CAP2: variants seen among roughly 807,000 people sequenced by gnomAD.
The protein encoded by CAP2 is cyclase associated actin cytoskeleton regulatory protein 2, also known as adenylyl cyclase-associated protein 2.
Under a neutral mutation model 57.7 loss-of-function variants are expected in CAP2, and 24 were observed. That is an observed-to-expected ratio of 0.42 (90% CI 0.30 to 0.58). CAP2 has a LOEUF of 0.58. Ranked by LOEUF, CAP2 falls within the 20% of genes least tolerant of loss-of-function variation. The pLI is 0.22. For synonymous variants in CAP2, 194 were observed against 207.2 expected (o/e 0.94, Z 0.55); for missense variants, 501 against 590.3 (o/e 0.85, Z 1.57).
chr6:17,504,897 GT>G (rs1416504830), intron 4 of CAP2, among the ~76,000 whole-genome samples: 1 of 152,116 alleles, frequency 6.6e-6, no homozygotes, highest in Non-Finnish European at 1.5e-5. Context: ...AGGTGACCCA[GT>G]TTAGACTCCT....
At chr6:17,554,259 A>G (rs1763243360) in intron 12 of CAP2, among the ~76,000 whole-genome samples, 1 of 152,092 alleles carries the variant, frequency 6.6e-6, no homozygotes, top group South Asian at 2.1e-4. Flanking sequence ...GGCGTGTGCC[A>G]CCACACCCTG....
intron 7 of CAP2, among the ~76,000 whole-genome samples, chr6:17,534,331 C>A (rs1762719350): frequency 6.6e-6 from 1 of 152,166 alleles, no homozygotes; most frequent in African/African-American, 2.4e-5. Flanking sequence ...TCTCCATGTG[C>A]AGATCCAACC....
At chr6:17,446,576 A>G (rs1026230632) in intron 3 of CAP2, among the ~76,000 whole-genome samples, 9 of 152,262 alleles carry the variant, frequency 5.9e-5, no homozygotes, top group Admixed American at 4.6e-4. Context: ...CTTGTTAAAA[A>G]TAAATTCTGG....
intron 4 of CAP2, among the ~76,000 whole-genome samples, chr6:17,495,426 G>C (rs1761640209): frequency 6.6e-6 from 1 of 152,170 alleles, no homozygotes; most frequent in Middle Eastern, 3.2e-3. Context: ...TCTAAGAACT[G>C]AGTCAAAAAT....
chr6:17,534,744 T>C (rs532735493), intron 7 of CAP2, among the ~76,000 whole-genome samples: 1 of 152,294 alleles, frequency 6.6e-6, no homozygotes, highest in African/African-American at 2.4e-5. Context: ...TCTGATCCTT[T>C]CCTTCTCATC....
At chr6:17,530,352 ATTACT>A (rs1232808225) in intron 7 of CAP2, among the ~76,000 whole-genome samples, 1 of 152,136 alleles carries the variant, frequency 6.6e-6, no homozygotes, top group Non-Finnish European at 1.5e-5. Flanking sequence ...AAGTACTGGG[ATTACT>A]TTACTTTACT....
At chr6:17,501,413 T>A (rs1581573633) in intron 4 of CAP2, among the ~76,000 whole-genome samples, 1 of 152,202 alleles carries the variant, frequency 6.6e-6, no homozygotes, top group East Asian at 1.9e-4. Context: ...ATGTTTTACG[T>A]CTGTATTTTT....
chr6:17,543,620 ATC>A (rs1333049653), intron 11 of CAP2, among the ~76,000 whole-genome samples: 1 of 76,524 alleles, frequency 1.3e-5, no homozygotes, highest in Non-Finnish European at 2.6e-5. Context: ...GCAAGACTCC[ATC>A]TCAAAAAAAA....
intron 4 of CAP2, among the ~76,000 whole-genome samples, chr6:17,479,112 A>G (rs1761224518): frequency 6.6e-6 from 1 of 152,144 alleles, no homozygotes; most frequent in Non-Finnish European, 1.5e-5. Flanking sequence ...GGTGGTGCCC[A>G]CTGTACGTCT....
intron 7 of CAP2, among the ~76,000 whole-genome samples, chr6:17,534,967 A>G (rs1299989142): frequency 6.6e-6 from 1 of 152,132 alleles, no homozygotes; most frequent in Non-Finnish European, 1.5e-5. Context: ...TGAACCAGGC[A>G]AGAGGCCAGT....
At chr6:17,442,232 A>G (rs575244232) in intron 3 of CAP2, among the ~76,000 whole-genome samples, 89 of 152,300 alleles carry the variant, frequency 5.8e-4, no homozygotes, top group Non-Finnish European at 1.2e-3. Flanking sequence ...CACTAGGGGA[A>G]GGAAACCTGG....
At chr6:17,477,564 A>G (rs1761182750) in intron 4 of CAP2, among the ~76,000 whole-genome samples, 1 of 152,228 alleles carries the variant, frequency 6.6e-6, no homozygotes, top group Admixed American at 6.5e-5. Context: ...GTCTGTGGAA[A>G]GTCAACCCTA....
At chr6:17,473,361 A>G (rs183921486) in intron 4 of CAP2, among the ~76,000 whole-genome samples, 44 of 152,320 alleles carry the variant, frequency 2.9e-4, no homozygotes, top group Non-Finnish European at 1.6e-4. Context: ...TGTTTTTAAT[A>G]AAATAATTAT....
rs539179278 is a variant in CAP2, at chr6:17,408,819, G to A, written c.-1-12736G>A. Reference sequence around the variant, plus strand: ...CGAGTAGCTTGGACTGCAGGCGCCCGCCACCATGCCCAGCTAATTTTTTGT... The same window carrying A: ...CGAGTAGCTTGGACTGCAGGCGCCCACCACCATGCCCAGCTAATTTTTTGT... On this transcript the variant is annotated intron_variant, in intron 1 of 12. Transcript: ENST00000229922. Among the ~76,000 whole-genome samples, 8 of 151,302 alleles carry A rather than the reference G, an allele frequency of 5.3e-5. No individual in the cohort carries two copies. The East Asian group carries it at 8.0e-4, about 15-fold the overall frequency.
At chr6:17,451,646 A>G (rs1760406591) in intron 3 of CAP2, among the ~76,000 whole-genome samples, 1 of 151,850 alleles carries the variant, frequency 6.6e-6, no homozygotes, top group Admixed American at 6.6e-5. Flanking sequence ...AGTAGCTGGG[A>G]TTACAGGAAC....
chr6:17,528,120 G>A (rs1171486432), intron 7 of CAP2, among the ~76,000 whole-genome samples: 2 of 152,172 alleles, frequency 1.3e-5, no homozygotes, highest in Non-Finnish European at 2.9e-5. Context: ...ACCCTTTATT[G>A]TAAAATAGGC....
Position 17,543,053 on chromosome 6 carries a change from C to A in CAP2, c.1127-8C>A. 1 of 1,613,260 alleles carries A rather than the reference C, an allele frequency of 6.2e-7. No homozygotes were observed. The highest frequency in any genetic ancestry group is 8.5e-7 in the Non-Finnish European group (1 of 1,179,322). ...GTTGGTTTTTTGTTGTGTTTTTTCTCCCCACAGACAACTGTAAAAAACTCG... is the reference window on the plus strand; with the variant it reads ...GTTGGTTTTTTGTTGTGTTTTTTCTACCCACAGACAACTGTAAAAAACTCG... On this transcript the variant is annotated splice_region_variant and splice_polypyrimidine_tract_variant and intron_variant, in intron 10 of 12. Coordinates refer to ENST00000229922, the MANE Select transcript of CAP2 (RefSeq NM_006366.3).
chr6:17,517,018 G>C (rs1003743820), intron 7 of CAP2, among the ~76,000 whole-genome samples: 1 of 152,156 alleles, frequency 6.6e-6, no homozygotes, highest in Non-Finnish European at 1.5e-5. Context: ...ATAAGTAAGG[G>C]TATGTGTGGA....
rs1175741419 is a variant in CAP2 at position 17,542,952 on chromosome 6, T to C, written c.1118T>C (p.Ile373Thr). Residue 373 changes from isoleucine (I) to threonine (T), a missense_variant, in exon 10 of 13, where the codon ATT (isoleucine) becomes ACT (threonine). Physicochemically the swap from Ile to Thr is moderately conservative, Grantham distance 89 (BLOSUM62 -1). Transcript: ENST00000229922. ...CAGATAAAAGGGAAAGTAAACTCCA[T>C]TATAATTGGTAGGGCAGAATTATGG... ...TIQIKGKVNSIIIDNCKKLGL... is the reference protein window; with the variant it reads ...TIQIKGKVNSTIIDNCKKLGL... The C allele has an allele frequency of 6.2e-7, 1 of 1,613,850 alleles. No individual in the cohort carries two copies. Among genetic ancestry groups the C allele is most frequent in the Non-Finnish European group, 8.5e-7 (1 of 1,179,744 alleles).
Sources: allele counts gnomAD v4.1 joint callset (sites outside exome capture counted in the v4.1 genomes callset), GRCh38; gene constraint gnomAD v4.1.1; transcripts MANE v1.5; gene names NCBI Gene and HGNC (gene_info 2026-07-23, HGNC 2026-07-21).